The following NTM variants were observed in gnomAD, a reference collection of about 807,000 sequenced individuals.
NTM encodes IgLON family member 2.
Under a neutral mutation model 42.1 loss-of-function variants are expected in NTM, and 13 were observed. The ratio of observed to expected loss-of-function variants is 0.31; its 90% CI spans 0.20 to 0.49. The LOEUF (loss-of-function observed/expected upper bound fraction) is 0.49, where lower values mean the gene tolerates loss of function less well. Ranked by LOEUF, NTM falls within the 20% of genes least tolerant of loss-of-function variation. NTM has a pLI of 0.99. For synonymous variants in NTM, 187 were observed against 179.2 expected (o/e 1.04, Z -0.35); for missense variants, 373 against 452.8 (o/e 0.82, Z 1.60).
At chr11:132,245,006 C>T (rs1463751670) in intron 4 of NTM, among the ~76,000 whole-genome samples, 1 of 152,208 alleles carries the variant, frequency 6.6e-6, no homozygotes, top group East Asian at 1.9e-4. Context: ...TGAGTGAGAA[C>T]AGTCATAAAA....
At chr11:131,673,459 C>A (rs114643074) in intron 1 of NTM, among the ~76,000 whole-genome samples, 6 of 152,200 alleles carry the variant, frequency 3.9e-5, no homozygotes, top group African/African-American at 1.4e-4. Flanking sequence ...ATTGTGTCCT[C>A]ATTGTCTGTG....
In NTM at chr11:132,246,498, T is replaced by C. The variant is rs541347065; in HGVS notation, c.526+34351T>C. Among the ~76,000 whole-genome samples the C allele has an allele frequency of 2.6e-5, 4 of 152,358 alleles. No homozygotes were observed. The East Asian group carries it at 7.7e-4, about 29-fold the overall frequency. On this transcript the variant is annotated intron_variant, in intron 4 of 8. Transcript: ENST00000683400. The stretch of plus-strand genomic sequence containing the variant: ...CAGTGGAGGCAGAACAAAACCCTTT[T>C]ATTCCAATCTGGAGCCATGTGCACT...
chr11:131,553,949 C>T (rs888110940), intron 1 of NTM, among the ~76,000 whole-genome samples: 3 of 152,204 alleles, frequency 2.0e-5, no homozygotes, highest in African/African-American at 7.2e-5. Flanking sequence ...AACCTATGAA[C>T]CTGTTATTCC....
chr11:131,681,721 A>G (rs60520627), intron 1 of NTM, among the ~76,000 whole-genome samples: 10 of 17,228 alleles, frequency 5.8e-4, no homozygotes, highest in South Asian at 2.6e-3. Flanking sequence ...CTCCCTGTGT[A>G]TGTGAGCTTG....
chr11:131,766,527 C>G (rs2085128664), intron 1 of NTM, among the ~76,000 whole-genome samples: 1 of 152,120 alleles, frequency 6.6e-6, no homozygotes, highest in Non-Finnish European at 1.5e-5. Flanking sequence ...TGAGCAGGAA[C>G]TCTGGGGCTC....
intron 2 of NTM, among the ~76,000 whole-genome samples, chr11:132,056,139 T>C (rs982055867): frequency 1.4e-4 from 21 of 152,218 alleles, no homozygotes; most frequent in Non-Finnish European, 4.4e-5. Context: ...ACTCCTCCCA[T>C]TGTAAAATTA....
intron 3 of NTM, among the ~76,000 whole-genome samples, chr11:132,183,180 T>G (rs747473673): frequency 8.5e-5 from 13 of 152,202 alleles, no homozygotes; most frequent in Non-Finnish European, 1.3e-4. Context: ...TAGTAGTTGC[T>G]CAGGGAATGG....
chr11:131,488,585 A>G (rs1391599636), intron 1 of NTM, among the ~76,000 whole-genome samples: 2 of 152,162 alleles, frequency 1.3e-5, no homozygotes, highest in Non-Finnish European at 2.9e-5. Flanking sequence ...CCACTTCACG[A>G]TGGCAAGTGC....
chr11:131,422,789 C>A (rs2135841785), intron 1 of NTM, among the ~76,000 whole-genome samples: 1 of 152,274 alleles, frequency 6.6e-6, no homozygotes, highest in Non-Finnish European at 1.5e-5. Flanking sequence ...AATCCACTTG[C>A]TTATCTGATG....
At chr11:131,561,147 A>G (rs1413941493) in intron 1 of NTM, among the ~76,000 whole-genome samples, 2 of 152,198 alleles carry the variant, frequency 1.3e-5, no homozygotes, top group Non-Finnish European at 1.5e-5. Context: ...TTTCGGTGGC[A>G]GCAGCATTTG....
intron 2 of NTM, among the ~76,000 whole-genome samples, chr11:132,004,656 CACACACACACACACATAG>C (rs2070349346): frequency 1.3e-5 from 2 of 149,582 alleles, no homozygotes; most frequent in South Asian, 2.1e-4. Flanking sequence ...ACACACACAA[CACACACACACACACATAG>C]ACACATACAC....
chr11:131,527,978 A>G (rs1322630110), intron 1 of NTM, among the ~76,000 whole-genome samples: 1 of 152,214 alleles, frequency 6.6e-6, no homozygotes, highest in African/African-American at 2.4e-5. Context: ...TTGAGCATCA[A>G]CAGAAGGCTC....
At chr11:131,705,661 A>G (rs955685920) in intron 1 of NTM, among the ~76,000 whole-genome samples, 3 of 152,212 alleles carry the variant, frequency 2.0e-5, no homozygotes, top group African/African-American at 7.2e-5. Context: ...GTTAATAAAT[A>G]CACAATATAA....
At chr11:132,095,180 G>T (rs2060814468) in intron 2 of NTM, among the ~76,000 whole-genome samples, 1 of 152,192 alleles carries the variant, frequency 6.6e-6, no homozygotes, top group South Asian at 2.1e-4. Context: ...GCAGCTGTCT[G>T]CAGATCTGAG....
chr11:131,411,362 A>T (rs77338538), intron 1 of NTM, among the ~76,000 whole-genome samples: 12 of 152,322 alleles, frequency 7.9e-5, no homozygotes, highest in African/African-American at 2.9e-4. Context: ...GGCACTGAGC[A>T]CACGTCTAAG....
chr11:131,784,210 C>A (rs1057145979), intron 1 of NTM, among the ~76,000 whole-genome samples: 1 of 152,132 alleles, frequency 6.6e-6, no homozygotes, highest in South Asian at 2.1e-4. Context: ...ATTGTACAAC[C>A]ATTTTGGAAA....
chr11:131,382,346 C>A lies in NTM; in HGVS notation c.82+11458C>A, dbSNP rs147490303. ...CAGAGAAGGATGCTTGTAGGTCAAA[C>A]CACATGGACTTGCTGTTTGGGTAAA... On this transcript the variant is annotated intron_variant, in intron 1 of 8. Transcript: ENST00000683400. Among the ~76,000 whole-genome samples the A allele has an allele frequency of 9.9e-5, 15 of 152,238 alleles. No homozygotes were observed. The East Asian group carries it at 2.9e-3, about 29-fold the overall frequency.
At position 132,335,175 on chromosome 11, in the gene NTM, G is replaced by A. The variant is rs756920058; in HGVS notation, c.*29G>A. 1 of 1,609,434 alleles carries A rather than the reference G, an allele frequency of 6.2e-7. No individual in the cohort carries two copies. Among genetic ancestry groups the A allele is most frequent in the African/African-American group, 1.3e-5 (1 of 74,844 alleles). On this transcript the variant is annotated 3_prime_UTR_variant, in exon 9 of 9. Coordinates refer to ENST00000683400, the MANE Select transcript of NTM (RefSeq NM_001352005.2). Reference sequence around the variant, plus strand: ...GAGTGCCACTTCCCCACCCGGGAAAGGCTGCCGCCACCACCACCACCAACA... The same window carrying A: ...GAGTGCCACTTCCCCACCCGGGAAAAGCTGCCGCCACCACCACCACCAACA...
chr11:132,220,842 A>T (rs993375420), intron 4 of NTM, among the ~76,000 whole-genome samples: 13 of 152,222 alleles, frequency 8.5e-5, no homozygotes, highest in African/African-American at 2.9e-4. Context: ...AACCAGCCAT[A>T]GCTCAGTAAG....
Sources: gnomAD v4.1 joint callset for allele counts (sites outside exome capture counted in the v4.1 genomes callset) on GRCh38, gnomAD v4.1.1 for gene constraint, MANE v1.5 for transcripts, NCBI Gene and HGNC (gene_info 2026-07-23, HGNC 2026-07-21) for gene names.